The following LRRTM4 variants were observed in gnomAD, a reference collection of about 807,000 sequenced individuals.
LRRTM4 encodes leucine rich repeat transmembrane neuronal 4, also known as leucine-rich repeat transmembrane neuronal protein 4.
A neutral mutation model predicts 47.6 loss-of-function variants in LRRTM4; 25 were observed. The observed-to-expected ratio is 0.53, with a 90% CI of 0.38 to 0.73. LRRTM4 has a LOEUF of 0.73. Ranked by LOEUF, LRRTM4 falls within the 30% of genes least tolerant of loss-of-function variation. LRRTM4 has a pLI of 0.00. For synonymous variants in LRRTM4, 311 were observed against 269.5 expected (o/e 1.15, Z -1.51); for missense variants, 638 against 713.4 (o/e 0.89, Z 1.20).
intron 3 of LRRTM4, among the ~76,000 whole-genome samples, chr2:76,813,522 C>G (rs1223965132): frequency 2.0e-5 from 3 of 152,080 alleles, no homozygotes; most frequent in African/African-American, 7.2e-5. Flanking sequence ...CTTTCTGTTT[C>G]TATTTCATTT....
intron 3 of LRRTM4, among the ~76,000 whole-genome samples, chr2:77,312,977 A>G (rs571290803): frequency 6.6e-6 from 1 of 152,356 alleles, no homozygotes; most frequent in Admixed American, 6.5e-5. Flanking sequence ...GTTAGAGTAA[A>G]TAAAGTTATA....
intron 3 of LRRTM4, among the ~76,000 whole-genome samples, chr2:76,978,773 G>A (rs141073047): frequency 3.3e-5 from 5 of 152,030 alleles, no homozygotes; most frequent in Non-Finnish European, 1.5e-5. Flanking sequence ...TTAGCAAAAG[G>A]TTAAATGGGA....
intron 3 of LRRTM4, among the ~76,000 whole-genome samples, chr2:77,405,986 AG>A (rs1364717824): frequency 6.6e-6 from 1 of 152,150 alleles, no homozygotes; most frequent in Non-Finnish European, 1.5e-5. Context: ...CCTATAATGA[AG>A]CTTAACACTT....
intron 3 of LRRTM4, among the ~76,000 whole-genome samples, chr2:77,259,108 A>G (rs1675847560): frequency 6.6e-6 from 1 of 151,994 alleles, no homozygotes. Context: ...ACATAAATAT[A>G]AAAAACTTAA....
intron 3 of LRRTM4, among the ~76,000 whole-genome samples, chr2:77,312,288 T>G (rs976809000): frequency 2.6e-5 from 4 of 152,208 alleles, no homozygotes; most frequent in Non-Finnish European, 4.4e-5. Context: ...TTATTCACAT[T>G]GCCTTTCAAC....
chr2:77,194,555 C>A (rs1192167909), intron 3 of LRRTM4, among the ~76,000 whole-genome samples: 2 of 152,274 alleles, frequency 1.3e-5, no homozygotes, highest in South Asian at 4.1e-4. Flanking sequence ...CTATCAAGTA[C>A]TCAAACATCA....
At chr2:76,770,264 T>A (rs1415784868) in intron 3 of LRRTM4, among the ~76,000 whole-genome samples, 1 of 152,338 alleles carries the variant, frequency 6.6e-6, no homozygotes, top group Admixed American at 6.5e-5. Flanking sequence ...TCATAAATCC[T>A]TGTCTTTCAA....
chr2:77,049,122 T>TATATATATATATATA (rs34587249), intron 3 of LRRTM4, among the ~76,000 whole-genome samples: 28 of 62,652 alleles, frequency 4.5e-4, no homozygotes, highest in East Asian at 1.4e-3. Flanking sequence ...ATTTCATTTT[T>TATATATATATATATA]TATATATATA....
At chr2:76,813,762 T>TTAAGAATAGTTTTAGATTC (rs1423101979) in intron 3 of LRRTM4, among the ~76,000 whole-genome samples, 1 of 152,088 alleles carries the variant, frequency 6.6e-6, no homozygotes, top group African/African-American at 2.4e-5. Context: ...ATAAACCTTT[T>TTAAGAATAGTTTTAGATTC]TAAGAATAGT....
At chr2:77,333,233 T>A (rs1273674174) in intron 3 of LRRTM4, among the ~76,000 whole-genome samples, 1 of 152,156 alleles carries the variant, frequency 6.6e-6, no homozygotes, top group African/African-American at 2.4e-5. Flanking sequence ...ATACAGTGAA[T>A]TGATACCAGG....
chr2:77,213,881 A>C (rs2103929175), intron 3 of LRRTM4, among the ~76,000 whole-genome samples: 1 of 152,226 alleles, frequency 6.6e-6, no homozygotes, highest in East Asian at 1.9e-4. Flanking sequence ...AGAGCAGATA[A>C]GGAAGAGATA....
chr2:76,763,022 G>C (rs925014727), intron 3 of LRRTM4, among the ~76,000 whole-genome samples: 5 of 152,108 alleles, frequency 3.3e-5, no homozygotes, highest in Admixed American at 3.3e-4. Context: ...AGATTGAGGA[G>C]AATAAAACAA....
intron 3 of LRRTM4, among the ~76,000 whole-genome samples, chr2:77,041,116 G>T (rs1262118891): frequency 6.6e-6 from 1 of 151,322 alleles, no homozygotes; most frequent in East Asian, 1.9e-4. Context: ...CCAATCTCCT[G>T]CTTTCTACTT....
chr2:77,477,917 AAGAAAGAAAGAAAG>A (rs1558761958), intron 3 of LRRTM4, among the ~76,000 whole-genome samples: 2 of 81,550 alleles, frequency 2.5e-5, no homozygotes, highest in Non-Finnish European at 5.8e-5. Flanking sequence ...GAAAGAAAGA[AAGAAAGAAAGAAAG>A]AAAGAAAGAA....
chr2:77,215,058 A>G (rs1296145227), intron 3 of LRRTM4, among the ~76,000 whole-genome samples: 1 of 152,172 alleles, frequency 6.6e-6, no homozygotes, highest in African/African-American at 2.4e-5. Flanking sequence ...ATATTCCCAG[A>G]TGTGGCTTAC....
intron 3 of LRRTM4, among the ~76,000 whole-genome samples, chr2:76,775,631 G>C (rs1160301821): frequency 3.9e-5 from 6 of 152,086 alleles, no homozygotes; most frequent in Non-Finnish European, 4.4e-5. Context: ...CAAGGCTCAG[G>C]AGTTAGCAGC....
At chr2:77,329,000 T>C (rs940292069) in intron 3 of LRRTM4, among the ~76,000 whole-genome samples, 3 of 152,222 alleles carry the variant, frequency 2.0e-5, no homozygotes, top group Non-Finnish European at 2.9e-5. Context: ...ATCTGTAAAA[T>C]ATAAGGAATA....
intron 3 of LRRTM4, among the ~76,000 whole-genome samples, chr2:76,921,394 G>A (rs906819284): frequency 6.6e-6 from 1 of 152,024 alleles, no homozygotes; most frequent in Non-Finnish European, 1.5e-5. Context: ...TTAATAGTTT[G>A]ATCACCTGGT....
intron 3 of LRRTM4, among the ~76,000 whole-genome samples, chr2:76,803,822 G>A (rs12616348): frequency 6.6e-6 from 1 of 152,134 alleles, no homozygotes; most frequent in Non-Finnish European, 1.5e-5. Context: ...TGAAACATCT[G>A]TACAAACAAT....
Sources: allele counts gnomAD v4.1 joint callset (sites outside exome capture counted in the v4.1 genomes callset), GRCh38; gene constraint gnomAD v4.1.1; transcripts MANE v1.5; gene names NCBI Gene and HGNC (gene_info 2026-07-23, HGNC 2026-07-21).